The following NWD2 variants were observed in gnomAD, a reference collection of about 807,000 sequenced individuals.
The protein encoded by NWD2 is NACHT and WD repeat domain-containing protein 2.
Under a neutral mutation model 132.7 loss-of-function variants are expected in NWD2, and 37 were observed. That is an observed-to-expected ratio of 0.28 (90% CI 0.21 to 0.37). The LOEUF (loss-of-function observed/expected upper bound fraction) is 0.37. NWD2 is among the 10% of genes least tolerant of loss of function. The pLI, the probability that NWD2 is intolerant of heterozygous loss-of-function variation, is 1.00. For synonymous variants in NWD2, 705 were observed against 803.0 expected (o/e 0.88, Z 2.06); for missense variants, 1,592 against 2,122.4 (o/e 0.75, Z 4.91).
intron 1 of NWD2, among the ~76,000 whole-genome samples, chr4:37,312,914 A>G (rs989619084): frequency 4.6e-5 from 7 of 151,140 alleles, no homozygotes; most frequent in African/African-American, 9.9e-5. Flanking sequence ...GGTTCTGTTT[A>G]TATGCTGGAT....
intron 1 of NWD2, among the ~76,000 whole-genome samples, chr4:37,265,313 C>T (rs376628833): frequency 1.2e-4 from 19 of 152,214 alleles, no homozygotes; most frequent in Non-Finnish European, 1.8e-4. Flanking sequence ...ATGGGATTGA[C>T]ATTCAGGAGC....
At chr4:37,362,839 C>T (rs950028274) in intron 3 of NWD2, among the ~76,000 whole-genome samples, 18 of 152,032 alleles carry the variant, frequency 1.2e-4, no homozygotes, top group Admixed American at 5.9e-4. Context: ...ACAGCTTCTG[C>T]GAAGCAAAAG....
intron 1 of NWD2, among the ~76,000 whole-genome samples, chr4:37,251,561 C>T (rs925122309): frequency 1.2e-4 from 19 of 152,136 alleles, no homozygotes; most frequent in Admixed American, 4.6e-4. Flanking sequence ...CACAGCTGCC[C>T]CTGAGTACTG....
In NWD2 at chr4:37,307,727, T is replaced by C. The variant is rs151235218; in HGVS notation, c.152-18209T>C. On this transcript the variant is annotated intron_variant, in intron 1 of 6. Transcript: ENST00000309447. ...AATGGGTTTTCTATTCTTTTTCCCA[T>C]CTCTTCCTCTTCTGGAAATTCCATA... 3.8e-3 allele frequency among the ~76,000 whole-genome samples: 580 copies of C among 152,292 alleles called. 5 individuals are homozygous for C. Among genetic ancestry groups the C allele is most frequent in the African/African-American group, 0.013 (550 of 41,580 alleles).
At chr4:37,334,577 T>TAAC in intron 2 of NWD2, among the ~76,000 whole-genome samples, 1 of 152,182 alleles carries the variant, frequency 6.6e-6, no homozygotes, top group East Asian at 1.9e-4. Context: ...CTAAATAATC[T>TAAC]CCCCCTCTAC....
chr4:37,338,325 C>T (rs772236922), intron 2 of NWD2, among the ~76,000 whole-genome samples: 4 of 152,238 alleles, frequency 2.6e-5, no homozygotes, highest in Non-Finnish European at 5.9e-5. Context: ...CCAAGAGCTC[C>T]ATTTTTCCCC....
intron 3 of NWD2, among the ~76,000 whole-genome samples, chr4:37,395,906 G>A (rs1009516265): frequency 3.8e-4 from 57 of 151,896 alleles, no homozygotes; most frequent in African/African-American, 1.3e-3. Context: ...ATTTGGACTG[G>A]CTTGGACTTA....
intron 1 of NWD2, among the ~76,000 whole-genome samples, chr4:37,262,311 A>G (rs1717655751): frequency 6.6e-6 from 1 of 152,200 alleles, no homozygotes. Context: ...AAATGATTCT[A>G]AGAGAAGATT....
chr4:37,446,853 T>G lies in NWD2; in HGVS notation c.4865T>G (p.Leu1622Arg). ...TCCCTTTACAAAACACCAACTTTCCTTGCACTCTCCCAGAGGCACCTGAAC... is the reference window on the plus strand; with the variant it reads ...TCCCTTTACAAAACACCAACTTTCCGTGCACTCTCCCAGAGGCACCTGAAC... ...ACSLYKTPTF[L>R]ALSQRHLNII... Residue 1622 changes from leucine to arginine, a missense_variant, in exon 7 of 7, where the codon CTT becomes CGT. This residue lies in a region of NWD2 where 257 missense variants were observed against 335.0 expected (regional missense o/e 0.77). Coordinates refer to ENST00000309447, the MANE Select transcript of NWD2 (RefSeq NM_001144990.2). The surrounding 1 kb of genome is among the most constrained non-coding windows in gnomAD (Gnocchi z 6.7). 1 of 1,551,752 alleles carries G rather than the reference T, an allele frequency of 6.4e-7. No homozygotes were observed. The highest frequency in any genetic ancestry group is 8.7e-7 in the Non-Finnish European group (1 of 1,147,010).
intron 1 of NWD2, among the ~76,000 whole-genome samples, chr4:37,269,867 C>G (rs1717832965): frequency 6.6e-6 from 1 of 151,822 alleles, no homozygotes; most frequent in East Asian, 1.9e-4. Context: ...TTAAATACCT[C>G]TGAGTGGAAT....
intron 1 of NWD2, among the ~76,000 whole-genome samples, chr4:37,255,704 G>A (rs539938682): frequency 4.6e-5 from 7 of 152,310 alleles, no homozygotes; most frequent in African/African-American, 1.4e-4. Flanking sequence ...CTAATCATAA[G>A]GGAGGACTGA....
intron 2 of NWD2, among the ~76,000 whole-genome samples, chr4:37,343,088 C>T (rs1385326863): frequency 2.7e-4 from 41 of 152,158 alleles, no homozygotes; most frequent in Admixed American, 2.6e-3. Flanking sequence ...TGGGGCAAGT[C>T]GTTCTACCCA....
intron 3 of NWD2, among the ~76,000 whole-genome samples, chr4:37,400,476 A>G (rs1181462698): frequency 6.6e-6 from 1 of 152,222 alleles, no homozygotes; most frequent in Non-Finnish European, 1.5e-5. Flanking sequence ...CCCTCTCATC[A>G]TCAATTCACT....
At chr4:37,328,679 A>G (rs184373043) in intron 2 of NWD2, among the ~76,000 whole-genome samples, 2 of 152,036 alleles carry the variant, frequency 1.3e-5, no homozygotes, top group Non-Finnish European at 2.9e-5. Context: ...AGTCTTTGCT[A>G]TTGTGAATAG....
intron 2 of NWD2, among the ~76,000 whole-genome samples, chr4:37,343,543 G>A (rs1242737030): frequency 6.6e-6 from 1 of 152,148 alleles, no homozygotes; most frequent in Non-Finnish European, 1.5e-5. Flanking sequence ...ACAATAATTG[G>A]AATAAATGTG....
intron 1 of NWD2, among the ~76,000 whole-genome samples, chr4:37,250,357 A>G (rs1717333831): frequency 6.6e-6 from 1 of 152,196 alleles, no homozygotes; most frequent in South Asian, 2.1e-4. Flanking sequence ...AGAAATTATT[A>G]GATACAGATA....
intron 1 of NWD2, among the ~76,000 whole-genome samples, chr4:37,314,672 G>T (rs1718922801): frequency 6.6e-6 from 1 of 152,026 alleles, no homozygotes; most frequent in Admixed American, 6.6e-5. Context: ...TTCTGTCTTG[G>T]TCAACCTAGC....
chr4:37,351,980 G>A (rs1719777757), intron 2 of NWD2, among the ~76,000 whole-genome samples: 1 of 152,172 alleles, frequency 6.6e-6, no homozygotes, highest in African/African-American at 2.4e-5. Flanking sequence ...CCATATAGTT[G>A]TGCGGTTTTG....
At position 37,439,304 on chromosome 4, in the gene NWD2, A is replaced by G; in HGVS notation, c.1210A>G (p.Ser404Gly). 6.4e-7 allele frequency: 1 copy of G among 1,550,654 alleles called. No individual in the cohort carries two copies. The highest frequency in any genetic ancestry group is 2.4e-5 in the East Asian group (1 of 40,912). The change falls in exon 6 of 7, where the codon AGC becomes GGC. Residue 404 changes from serine to glycine, a missense_variant. Transcript: ENST00000309447. The surrounding 1 kb of genome is among the most constrained non-coding windows in gnomAD (Gnocchi z 4.5). ...CATAGTGCATAACTACATTCTTCCA[A>G]GCAAAGCTGGACACATCAACCCTCT... ...LNIVHNYILPSKAGHINPLII... is the reference protein window; with the variant it reads ...LNIVHNYILPGKAGHINPLII...
Sources: allele counts gnomAD v4.1 joint callset (sites outside exome capture counted in the v4.1 genomes callset), GRCh38; gene constraint gnomAD v4.1.1; regional missense constraint gnomAD v4.1.1; non-coding constraint Gnocchi (gnomAD v3.1); transcripts MANE v1.5; gene names NCBI Gene and HGNC (gene_info 2026-07-23, HGNC 2026-07-21).